Variants in MACO1 observed in about 807,000 individuals in gnomAD.
The protein encoded by MACO1 is macoilin.
In MACO1, 14 loss-of-function variants were observed where a neutral mutation model predicts 78.7. The observed-to-expected ratio is 0.18, with a 90% confidence interval of 0.12 to 0.28. MACO1 has a LOEUF of 0.28. Among genes scored for constraint, MACO1 ranks in the 10% least tolerant of loss-of-function variants. The pLI is 1.00. For missense variants in MACO1, 501 were observed against 799.0 expected (o/e 0.63, Z 4.50); for synonymous variants, 288 against 291.6 (o/e 0.99, Z 0.12).
chr1:25,468,169 GA>G (rs2043235956), intron 6 of MACO1, among the ~76,000 whole-genome samples: 1 of 152,052 alleles, frequency 6.6e-6, no homozygotes, highest in Non-Finnish European at 1.5e-5. Context: ...AAAGACACAT[GA>G]GTGTACTTAC....
Position 25,466,334 on chromosome 1 carries a change from A to G in MACO1, c.1154+7442A>G, listed in dbSNP as rs532433803. The stretch of plus-strand genomic sequence containing the variant: ...TTTTATTTATTTATTTATTTTTGAG[A>G]CGGAGTTTCACTCTTGTTGCCCAGG... On this transcript the variant is annotated intron_variant, in intron 6 of 10. Coordinates refer to ENST00000374343, the MANE Select transcript of MACO1 (RefSeq NM_018202.6). Among the ~76,000 whole-genome samples the G allele has an allele frequency of 2.0e-5, 3 of 151,782 alleles. No homozygotes were observed. The South Asian group carries it at 6.2e-4, about 32-fold the overall frequency.
At chr1:25,433,283 C>T (rs2042891517) in intron 1 of MACO1, among the ~76,000 whole-genome samples, 1 of 150,552 alleles carries the variant, frequency 6.6e-6, no homozygotes, top group African/African-American at 2.4e-5. Flanking sequence ...TTTTTTTGCC[C>T]AATTCTGTTT....
intron 5 of MACO1, 139 bp from the exon 6 acceptor site, chr1:25,458,252 G>T: frequency 8.8e-7 from 1 of 1,130,838 alleles, no homozygotes. Flanking sequence ...TTTGCTTCTT[G>T]ATTAGCGTAT....
At chr1:25,495,164 T>C (rs984486935) in intron 10 of MACO1, among the ~76,000 whole-genome samples, 7 of 152,186 alleles carry the variant, frequency 4.6e-5, no homozygotes, top group African/African-American at 1.4e-4. Context: ...CCCTGTTTAC[T>C]TGGTTTTGCA....
intron 10 of MACO1, 72 bp downstream of exon 10, chr1:25,491,656 C>A: frequency 7.4e-7 from 1 of 1,359,596 alleles, no homozygotes; most frequent in Non-Finnish European, 1.0e-6. Context: ...CAGACCTCTC[C>A]TGAGAGCTCT....
At chr1:25,469,922 G>A (rs571641150) in intron 6 of MACO1, among the ~76,000 whole-genome samples, 7 of 152,178 alleles carry the variant, frequency 4.6e-5, no homozygotes, top group Admixed American at 2.6e-4. Context: ...CACCGCGCCC[G>A]GCCAACCTCT....
rs914203310 is a variant in MACO1 at position 25,444,258 on chromosome 1, T to TTAAA, written c.81-2483_81-2480dup. Among the ~76,000 whole-genome samples the TTAAA allele has an allele frequency of 8.2e-3, 1,248 of 151,660 alleles. 17 individuals carry two copies. The highest frequency in any genetic ancestry group is 0.026 in the African/African-American group (1,093 of 41,274). ...TGGGTGATAGAGTGAAACTCAGTCT[T>TTAAA]TAAATAAATAAATAAATAAATAAAG... On this transcript the variant is annotated intron_variant, in intron 1 of 10. Coordinates refer to ENST00000374343, the MANE Select transcript of MACO1 (RefSeq NM_018202.6).
At chr1:25,441,297 TCTC>T (rs1370133938) in intron 1 of MACO1, among the ~76,000 whole-genome samples, 2 of 152,166 alleles carry the variant, frequency 1.3e-5, no homozygotes. Flanking sequence ...TTCAAGCGAT[TCTC>T]CTGCTTCAGC....
chr1:25,498,457 G>A lies in MACO1; in HGVS notation c.1986G>A (p.Leu662=). ...CCAATGCCTCTGTTTACCAGCCCCT[G>A]AAGAAATGAAGGCCAGCTGTGTGTT... ...LDPNASVYQP[L]KK The change falls in exon 11 of 11, where the codon CTG becomes CTA. Residue 662 remains leucine (L), a synonymous_variant. Coordinates refer to ENST00000374343, the MANE Select transcript of MACO1 (RefSeq NM_018202.6). 2 of 1,608,336 alleles carry A rather than the reference G, an allele frequency of 1.2e-6. No homozygotes were observed. Among genetic ancestry groups the A allele is most frequent in the Non-Finnish European group, 1.7e-6 (2 of 1,177,894 alleles).
chr1:25,431,078 A>C lies in MACO1; in HGVS notation c.-21A>C. On this transcript the variant is annotated 5_prime_UTR_variant, in exon 1 of 11. Coordinates refer to ENST00000374343, the MANE Select transcript of MACO1 (RefSeq NM_018202.6). ...GAGAGACGGCGGCGGCGGCGCGGGC[A>C]CCCGGCCCCCCAGCGGGAGGATGAA... The C allele has an allele frequency of 6.4e-7, 1 of 1,562,526 alleles. No individual in the cohort carries two copies.
chr1:25,464,647 A>G (rs2043200583), intron 6 of MACO1, among the ~76,000 whole-genome samples: 1 of 117,820 alleles, frequency 8.5e-6, no homozygotes, highest in Admixed American at 9.5e-5. Flanking sequence ...ACCCGTCTAT[A>G]ATTTCTTCCC....
rs954137964 is a variant in MACO1, at chr1:25,499,478, CTG to C, written c.*1015_*1016del. On this transcript the variant is annotated 3_prime_UTR_variant, in exon 11 of 11. Transcript: ENST00000374343. ...TGTTTTGTTTTTTCATTTCATTTAA[CTG>C]TGCTTTCTCCACTTTTCATCATTTT... is the stretch of plus-strand genomic sequence containing the variant. 1.2e-4 allele frequency: 18 copies of C among 147,184 alleles called. No homozygotes were observed. The highest frequency in any genetic ancestry group is 1.9e-4 in the Non-Finnish European group (13 of 67,294). The allele number at this position is 147,184 out of a possible 1,614,324, so 9.1% of individuals were successfully genotyped here. A position where few individuals can be genotyped will look rare whatever the true frequency, so the allele number is the denominator to read the frequency against.
Position 25,485,883 on chromosome 1 carries a change from G to T in MACO1, c.1496+88G>T. On this transcript the variant is annotated intron_variant, in intron 8 of 10. Coordinates refer to ENST00000374343, the MANE Select transcript of MACO1 (RefSeq NM_018202.6). The surrounding 1 kb of genome is among the most constrained non-coding windows in gnomAD (Gnocchi z 4.3). ...GGAATTTGGTGCCTTGGGCAGGATT[G>T]GACGTACAGCAATCATGCACGGATG... is the stretch of plus-strand genomic sequence containing the variant. 7.1e-7 allele frequency: 1 copy of T among 1,408,878 alleles called. No homozygotes were observed. The highest frequency in any genetic ancestry group is 9.7e-7 in the Non-Finnish European group (1 of 1,029,426). The allele number at this position is 1,408,878 out of a possible 1,614,324, so 87.3% of individuals were successfully genotyped here.
intron 6 of MACO1, among the ~76,000 whole-genome samples, chr1:25,475,102 T>C (rs1178183048): frequency 1.3e-5 from 2 of 152,146 alleles, no homozygotes; most frequent in East Asian, 1.9e-4. Context: ...CCCAGCACTT[T>C]GGGAGGCCGA....
At chr1:25,445,418 C>T (rs1262962927) in intron 1 of MACO1, among the ~76,000 whole-genome samples, 1 of 151,978 alleles carries the variant, frequency 6.6e-6, no homozygotes, top group African/African-American at 2.4e-5. Flanking sequence ...TATTAGAAAT[C>T]GACCCTAGAT....
intron 6 of MACO1, among the ~76,000 whole-genome samples, chr1:25,467,731 A>ATTTT (rs34155576): frequency 5.2e-5 from 7 of 134,184 alleles, no homozygotes; most frequent in African/African-American, 1.6e-4. Flanking sequence ...TAGAATGATG[A>ATTTT]TTTTTTTTTT....
intron 3 of MACO1, 152 bp downstream of exon 3, chr1:25,449,086 A>T: frequency 1.6e-6 from 1 of 615,080 alleles, no homozygotes; most frequent in Non-Finnish European, 2.3e-6. Context: ...CTTCAAAAAT[A>T]TATATCTTTT....
At chr1:25,483,561 C>G (rs770771378) in intron 6 of MACO1, among the ~76,000 whole-genome samples, 1 of 152,150 alleles carries the variant, frequency 6.6e-6, no homozygotes, top group South Asian at 2.1e-4. Flanking sequence ...TATTGAGTCT[C>G]GTGAGCTCTT....
chr1:25,472,371 C>CA (rs2043280728), intron 6 of MACO1, among the ~76,000 whole-genome samples: 1 of 151,988 alleles, frequency 6.6e-6, no homozygotes, highest in South Asian at 2.1e-4. Context: ...CCTAGCCCCC[C>CA]ACCCCTCAAC....
Sources: allele counts gnomAD v4.1 joint callset (sites outside exome capture counted in the v4.1 genomes callset), GRCh38; gene constraint gnomAD v4.1.1; non-coding constraint Gnocchi (gnomAD v3.1); transcripts MANE v1.5; gene names NCBI Gene and HGNC (gene_info 2026-07-23, HGNC 2026-07-21).